EYS: variants seen among roughly 807,000 people sequenced by gnomAD.
The protein encoded by EYS is protein eyes shut homolog.
EYS carries 250 observed loss-of-function variants against 282.1 expected under a neutral mutation model. The ratio of observed to expected loss-of-function variants is 0.89; its 90% CI spans 0.80 to 0.98. EYS has a LOEUF of 0.98. EYS is among the 50% of genes least tolerant of loss of function. The pLI, the probability that EYS is intolerant of heterozygous loss-of-function variation, is 0.00. For missense variants in EYS, 4,016 were observed against 3,709.0 expected (o/e 1.08, Z -2.15); for synonymous variants, 1,355 against 1,282.9 (o/e 1.06, Z -1.20).
chr6:64,358,144 C>T (rs1239699903), intron 29 of EYS, among the ~76,000 whole-genome samples: 1 of 151,604 alleles, frequency 6.6e-6, no homozygotes, highest in Non-Finnish European at 1.5e-5. Context: ...AAAAGCTAAA[C>T]TTGTTTCATT....
intron 21 of EYS, among the ~76,000 whole-genome samples, chr6:64,817,939 T>C (rs1449059581): frequency 6.6e-6 from 1 of 152,190 alleles, no homozygotes; most frequent in African/African-American, 2.4e-5. Context: ...ACATGAGTCC[T>C]TGCTTTATGT....
chr6:64,470,211 C>T (rs1344578404), intron 26 of EYS, among the ~76,000 whole-genome samples: 1 of 152,242 alleles, frequency 6.6e-6, no homozygotes, highest in Non-Finnish European at 1.5e-5. Context: ...GTCTTTATTT[C>T]TACGCTCTCT....
chr6:64,079,536 T>C (rs568366217), intron 32 of EYS, among the ~76,000 whole-genome samples: 2 of 152,230 alleles, frequency 1.3e-5, no homozygotes, highest in South Asian at 4.1e-4. Context: ...AAATAATAAG[T>C]TGCCCCAAAG....
At chr6:65,594,074 T>C (rs991232080) in intron 2 of EYS, among the ~76,000 whole-genome samples, 1 of 152,004 alleles carries the variant, frequency 6.6e-6, no homozygotes, top group Non-Finnish European at 1.5e-5. Context: ...TTGATAGTTA[T>C]ATAGCAATTA....
intron 31 of EYS, among the ~76,000 whole-genome samples, chr6:64,183,583 C>T (rs1009803482): frequency 6.6e-6 from 1 of 152,114 alleles, no homozygotes; most frequent in African/African-American, 2.4e-5. Context: ...TAATAAAAAT[C>T]TAGAAGTTTG....
chr6:64,576,489 G>T (rs888324967), intron 26 of EYS, among the ~76,000 whole-genome samples: 1 of 151,946 alleles, frequency 6.6e-6, no homozygotes, highest in Non-Finnish European at 1.5e-5. Context: ...GCCAGAGGGG[G>T]AAAAATACCA....
intron 31 of EYS, among the ~76,000 whole-genome samples, chr6:64,171,268 G>A (rs1177350749): frequency 6.6e-6 from 1 of 152,106 alleles, no homozygotes; most frequent in Non-Finnish European, 1.5e-5. Context: ...TCTATATACG[G>A]AAAGTAAGTG....
At chr6:63,727,316 A>G (rs1554164524) in intron 41 of EYS, among the ~76,000 whole-genome samples, 8 of 152,060 alleles carry the variant, frequency 5.3e-5, no homozygotes, top group Non-Finnish European at 1.2e-4. Flanking sequence ...GGTTCAGGAC[A>G]TAGCTTAGCC....
intron 41 of EYS, among the ~76,000 whole-genome samples, chr6:63,749,801 C>T (rs183704754): frequency 6.6e-6 from 1 of 152,192 alleles, no homozygotes; most frequent in Non-Finnish European, 1.5e-5. Flanking sequence ...GTAGCCCCCT[C>T]CAGGGGTCCC....
At chr6:64,597,286 ACT>A (rs1453928946) in intron 24 of EYS, among the ~76,000 whole-genome samples, 4 of 152,162 alleles carry the variant, frequency 2.6e-5, no homozygotes, top group African/African-American at 7.2e-5. Flanking sequence ...ACTAGGACAA[ACT>A]CTATGGAAAA....
chr6:64,722,643 A>AT (rs1447271347), intron 22 of EYS, among the ~76,000 whole-genome samples: 2 of 152,240 alleles, frequency 1.3e-5, no homozygotes, highest in African/African-American at 2.4e-5. Context: ...AGTAAAACTA[A>AT]TTTTTTTCAC....
intron 12 of EYS, among the ~76,000 whole-genome samples, chr6:65,060,286 T>A (rs1318531468): frequency 6.6e-6 from 1 of 151,868 alleles, no homozygotes; most frequent in Non-Finnish European, 1.5e-5. Flanking sequence ...GGATTTTGCA[T>A]CATATTTTAT....
chr6:63,943,049 G>T (rs1490247989), intron 35 of EYS, among the ~76,000 whole-genome samples: 1 of 152,158 alleles, frequency 6.6e-6, no homozygotes, highest in Non-Finnish European at 1.5e-5. Flanking sequence ...TTATGTTATT[G>T]GTGTGGTTTC....
intron 35 of EYS, among the ~76,000 whole-genome samples, chr6:63,879,671 G>C (rs868486367): frequency 9.2e-5 from 14 of 152,202 alleles, no homozygotes; most frequent in African/African-American, 3.1e-4. Flanking sequence ...GGACAGTTTG[G>C]TTAGCTTCTT....
chr6:63,956,324 C>T (rs1023749021), intron 35 of EYS, among the ~76,000 whole-genome samples: 2 of 152,128 alleles, frequency 1.3e-5, no homozygotes, highest in Non-Finnish European at 2.9e-5. Flanking sequence ...CACCTTGTGA[C>T]CACCGCCCCT....
chr6:64,834,612 A>G lies in EYS; in HGVS notation c.2993-11790T>C, dbSNP rs926674708. ...GGTGCTTGCTTTAATCCTTAAATCA[A>G]TAGCATAACATTTTATTTATTCAAA... On this transcript the variant is annotated intron_variant, in intron 19 of 42. Transcript: ENST00000503581. Among the ~76,000 whole-genome samples, 15 of 151,818 alleles carry G rather than the reference A, an allele frequency of 9.9e-5. 1 individual carries two copies. The highest frequency in any genetic ancestry group is 5.3e-4 in the Admixed American group (8 of 15,178).
At chr6:64,870,679 G>A (rs1437579631) in intron 19 of EYS, among the ~76,000 whole-genome samples, 4 of 151,650 alleles carry the variant, frequency 2.6e-5, no homozygotes, top group African/African-American at 7.3e-5. Flanking sequence ...AAGTAATAGA[G>A]GATGTGGAGA....
At chr6:65,700,129 A>AAAAAAAAAAAAAAAAAAAAAT (rs1769617477) in intron 1 of EYS, among the ~76,000 whole-genome samples, 1 of 150,310 alleles carries the variant, frequency 6.7e-6, no homozygotes, top group Non-Finnish European at 1.5e-5. Flanking sequence ...AAAAAAAAAA[A>AAAAAAAAAAAAAAAAAAAAAT]AAAAAAAAAA....
In EYS at chr6:65,138,308, T is replaced by C. The variant is rs141075104; in HGVS notation, c.2024-80581A>G. ...ATATAGAATGTAACTATAAAATGAG[T>C]ATCACAATCTTCACATGTCTGCTTC... On this transcript the variant is annotated intron_variant, in intron 12 of 42. Transcript: ENST00000503581. 3.8e-4 allele frequency among the ~76,000 whole-genome samples: 58 copies of C among 152,196 alleles called. 1 individual carries two copies. Among genetic ancestry groups the C allele is most frequent in the African/African-American group, 1.2e-3 (51 of 41,544 alleles).
Sources: allele counts gnomAD v4.1 joint callset (sites outside exome capture counted in the v4.1 genomes callset), GRCh38; gene constraint gnomAD v4.1.1; transcripts MANE v1.5; gene names NCBI Gene and HGNC (gene_info 2026-07-23, HGNC 2026-07-21).